The following HCRTR2 variants were observed in gnomAD, a reference collection of about 807,000 sequenced individuals.
The protein encoded by HCRTR2 is orexin receptor type 2.
In HCRTR2, 22 loss-of-function variants were observed where a neutral mutation model predicts 49.0. The observed-to-expected ratio is 0.45, with a 90% CI of 0.32 to 0.64. HCRTR2 has a LOEUF of 0.64. Among genes scored for constraint, HCRTR2 ranks in the 30% least tolerant of loss-of-function variants. The probability of loss-of-function intolerance (pLI) is 0.04; values close to 1 mark genes in which losing one functional copy is unlikely to be tolerated. For missense variants in HCRTR2, 491 were observed against 559.4 expected (o/e 0.88, Z 1.23); for synonymous variants, 236 against 205.3 (o/e 1.15, Z -1.28).
At chr6:55,262,131 G>A (rs1267588004) in intron 3 of HCRTR2, among the ~76,000 whole-genome samples, 1 of 151,280 alleles carries the variant, frequency 6.6e-6, no homozygotes, top group East Asian at 1.9e-4. Context: ...AGGGAGAGGG[G>A]GTGAAGGATA....
intron 1 of HCRTR2, among the ~76,000 whole-genome samples, chr6:55,240,357 C>CA (rs1167981530): frequency 0.099 from 4,524 of 45,910 alleles, 744 homozygotes; most frequent in East Asian, 0.15. Context: ...GACTCCAGCT[C>CA]AAAAAAAAAA....
chr6:55,249,094 CT>C (rs944656652), intron 2 of HCRTR2, among the ~76,000 whole-genome samples: 8 of 152,050 alleles, frequency 5.3e-5, no homozygotes, highest in Admixed American at 2.6e-4. Context: ...TTTGCACAAA[CT>C]TTTTTTATTC....
intron 1 of HCRTR2, among the ~76,000 whole-genome samples, chr6:55,176,448 T>C (rs541964074): frequency 6.6e-5 from 10 of 152,174 alleles, no homozygotes; most frequent in Non-Finnish European, 1.5e-4. Flanking sequence ...ATCCTTAGGA[T>C]TACATCTCTT....
chr6:55,144,124 T>C (rs1473179330), intron 1 of HCRTR2, among the ~76,000 whole-genome samples: 1 of 92,402 alleles, frequency 1.1e-5, no homozygotes, highest in Non-Finnish European at 2.4e-5. Context: ...TTTTTTTTTT[T>C]TTTTTTTGAC....
chr6:55,252,136 T>C (rs564752269), intron 2 of HCRTR2, among the ~76,000 whole-genome samples: 2 of 152,262 alleles, frequency 1.3e-5, no homozygotes, highest in South Asian at 4.1e-4. Context: ...GGTCAAACAA[T>C]GAATATTAGC....
At position 55,277,420 on chromosome 6, in the gene HCRTR2, C is replaced by A. The variant is rs755032415; in HGVS notation, c.803C>A (p.Pro268His). 6.2e-7 allele frequency: 1 copy of A among 1,614,092 alleles called. No homozygotes were observed. The highest frequency in any genetic ancestry group is 2.2e-5 in the East Asian group (1 of 44,858). ...TSSVVQRKWK[P>H]LQPVSQPRGP... is the part of the protein sequence containing the mutation. ...TCTGTAGTTCAGAGAAAATGGAAGC[C>A]CCTGCAGCCTGTTTCACAGCCTCGA... Residue 268 changes from proline (P) to histidine (H), a missense_variant, in exon 5 of 7, where the codon CCC becomes CAC. Pro to His is a moderately conservative substitution (Grantham distance 77). Coordinates refer to ENST00000370862, the MANE Select transcript of HCRTR2 (RefSeq NM_001384272.1).
chr6:55,150,292 T>C (rs868133191), intron 1 of HCRTR2, among the ~76,000 whole-genome samples: 3 of 151,146 alleles, frequency 2.0e-5, no homozygotes, highest in South Asian at 2.1e-4. Context: ...CTCCAAAAGA[T>C]TCCTCCTACC....
chr6:55,191,116 A>C lies in HCRTR2; in HGVS notation c.223+16306A>C, dbSNP rs548000722. 2.6e-4 allele frequency among the ~76,000 whole-genome samples: 39 copies of C among 152,340 alleles called. No individual in the cohort carries two copies. In the South Asian group the frequency reaches 8.1e-3, roughly 32 times the overall value. ...AGGAATTAGGGGCAATGAAGGAAGG[A>C]GCAAAGATGTGGGAACCCAAAAAGT... is the stretch of plus-strand genomic sequence containing the variant. On this transcript the variant is annotated intron_variant, in intron 1 of 6. Coordinates refer to ENST00000370862, the MANE Select transcript of HCRTR2 (RefSeq NM_001384272.1).
At chr6:55,134,899 C>A (rs532700324) in intron 1 of HCRTR2, among the ~76,000 whole-genome samples, 1 of 152,020 alleles carries the variant, frequency 6.6e-6, no homozygotes, top group African/African-American at 2.4e-5. Flanking sequence ...CATTTGTCAG[C>A]ACTTAGGTTA....
intron 1 of HCRTR2, among the ~76,000 whole-genome samples, chr6:55,159,175 T>A (rs984006742): frequency 6.6e-6 from 1 of 152,144 alleles, no homozygotes; most frequent in Admixed American, 6.5e-5. Context: ...GGGTCTGACG[T>A]TGACCTCCAG....
intron 6 of HCRTR2, 35 bp downstream of exon 6, chr6:55,280,479 T>G (rs1384074974): frequency 6.2e-7 from 1 of 1,609,790 alleles, no homozygotes; most frequent in East Asian, 2.2e-5. Flanking sequence ...AAGCCACAAT[T>G]GTAACCAAGG....
At chr6:55,108,964 G>A (rs922227210) in intron 1 of HCRTR2, among the ~76,000 whole-genome samples, 5 of 151,998 alleles carry the variant, frequency 3.3e-5, no homozygotes, top group African/African-American at 4.8e-5. Flanking sequence ...ATATAAACTC[G>A]GTGCTGTTGA....
intron 1 of HCRTR2, among the ~76,000 whole-genome samples, chr6:55,160,691 T>C (rs1428866347): frequency 1.3e-5 from 2 of 152,136 alleles, no homozygotes; most frequent in Non-Finnish European, 2.9e-5. Flanking sequence ...AATCCTAGTC[T>C]CTGATAAAAT....
chr6:55,233,034 G>A (rs978266628), intron 1 of HCRTR2, among the ~76,000 whole-genome samples: 3 of 151,760 alleles, frequency 2.0e-5, no homozygotes, highest in East Asian at 1.9e-4. Flanking sequence ...AGAAAAGTGA[G>A]GTACATTTTA....
intron 1 of HCRTR2, among the ~76,000 whole-genome samples, chr6:55,111,671 A>G (rs1218785288): frequency 6.6e-6 from 1 of 152,050 alleles, no homozygotes; most frequent in Non-Finnish European, 1.5e-5. Flanking sequence ...ATTGCCAACA[A>G]ATAAAAGTCC....
chr6:55,283,875 T>C (rs1367626545), downstream of HCRTR2, among the ~76,000 whole-genome samples: 1 of 152,146 alleles, frequency 6.6e-6, no homozygotes, highest in Non-Finnish European at 1.5e-5. Context: ...ATCTTGGAAT[T>C]TGGGATTCTG....
intron 1 of HCRTR2, among the ~76,000 whole-genome samples, chr6:55,132,600 T>A (rs942305779): frequency 1.3e-5 from 2 of 151,780 alleles, no homozygotes; most frequent in African/African-American, 4.8e-5. Context: ...AAACAGTTAT[T>A]CAAAGATGAG....
At chr6:55,243,775 G>A (rs894632411) in intron 1 of HCRTR2, among the ~76,000 whole-genome samples, 2 of 151,928 alleles carry the variant, frequency 1.3e-5, no homozygotes, top group East Asian at 1.9e-4. Context: ...CCCGTAGAGA[G>A]ATAAGAAAAA....
chr6:55,269,174 T>G (rs1225113507), intron 4 of HCRTR2, among the ~76,000 whole-genome samples: 7 of 151,516 alleles, frequency 4.6e-5, no homozygotes, highest in Non-Finnish European at 1.0e-4. Context: ...ATGAAACCAC[T>G]GGGCTTAACA....
Sources: gnomAD v4.1 joint callset for allele counts (sites outside exome capture counted in the v4.1 genomes callset) on GRCh38, gnomAD v4.1.1 for gene constraint, MANE v1.5 for transcripts, NCBI Gene and HGNC (gene_info 2026-07-23, HGNC 2026-07-21) for gene names.